RAI14: variants seen among roughly 807,000 people sequenced by gnomAD.
The protein encoded by RAI14 is retinoic acid induced 14, also known as ankycorbin.
A neutral mutation model predicts 115.4 loss-of-function variants in RAI14; 45 were observed. The ratio of observed to expected loss-of-function variants is 0.39; its 90% CI spans 0.31 to 0.50. The LOEUF is 0.50. Among genes scored for constraint, RAI14 ranks in the 20% least tolerant of loss-of-function variants. The pLI, the probability that RAI14 is intolerant of heterozygous loss-of-function variation, is 0.85. For synonymous variants in RAI14, 371 were observed against 415.4 expected, an observed-to-expected ratio of 0.89 and a Z score of 1.30; for missense variants, 939 against 1,131.2, an observed-to-expected ratio of 0.83 and a Z score of 2.44.
chr5:34,688,290 T>G (rs1196686024), intron 2 of RAI14: 1 of 1,497,068 alleles, frequency 6.7e-7, no homozygotes, highest in Non-Finnish European at 9.1e-7. Flanking sequence ...CAGATAGGGG[T>G]TTCTAAATTT....
At chr5:34,770,550 C>T (rs770046345) in intron 3 of RAI14, among the ~76,000 whole-genome samples, 7 of 152,118 alleles carry the variant, frequency 4.6e-5, no homozygotes, top group Non-Finnish European at 8.8e-5. Flanking sequence ...TTGGACTGTG[C>T]GAATAAACCT....
intron 4 of RAI14, among the ~76,000 whole-genome samples, chr5:34,799,684 C>CTTTTTTTTTTTTTTT (rs1754015236): frequency 1.0e-5 from 1 of 97,860 alleles, no homozygotes; most frequent in African/African-American, 3.6e-5. Context: ...AATCTGTTAG[C>CTTTTTTTTTTTTTTT]ATTTTTTTTT....
rs1455729758 is a variant in RAI14, at chr5:34,794,889, C to T, written c.168-1050C>T. On this transcript the variant is annotated intron_variant, in intron 3 of 17. Transcript: ENST00000265109. Reference sequence around the variant, plus strand: ...GATTTCAATGATAGATCCTTCCCAGCGAGAAAATATTATCTGGGCATTAAT... The same window carrying T: ...GATTTCAATGATAGATCCTTCCCAGTGAGAAAATATTATCTGGGCATTAAT... 5.9e-5 allele frequency among the ~76,000 whole-genome samples: 9 copies of T among 152,094 alleles called. No individual in the cohort carries two copies. In the South Asian group the frequency reaches 6.2e-4, roughly 11 times the overall value.
chr5:34,767,125 A>G (rs781454638), intron 3 of RAI14, among the ~76,000 whole-genome samples: 16 of 152,188 alleles, frequency 1.1e-4, no homozygotes, highest in Non-Finnish European at 2.2e-4. Flanking sequence ...AGCAGCATAA[A>G]AACAGACTAA....
At chr5:34,760,055 T>C (rs886189889) in intron 3 of RAI14, among the ~76,000 whole-genome samples, 1 of 152,098 alleles carries the variant, frequency 6.6e-6, no homozygotes, top group African/African-American at 2.4e-5. Flanking sequence ...CAGGCCGGAG[T>C]GCAGTAGCGT....
chr5:34,663,002 C>T (rs1306778776), intron 1 of RAI14, among the ~76,000 whole-genome samples: 1 of 152,070 alleles, frequency 6.6e-6, no homozygotes, highest in African/African-American at 2.4e-5. Context: ...TCCCAAAGTG[C>T]TGGGATTACA....
Position 34,823,325 on chromosome 5 carries a change from G to A in RAI14, c.1483G>A (p.Ala495Thr). 1 of 1,613,986 alleles carries A rather than the reference G, an allele frequency of 6.2e-7. No individual in the cohort carries two copies. Residue 495 changes from alanine to threonine, a missense_variant, in exon 15 of 18, where the codon GCT becomes ACT. Transcript: ENST00000265109. This position sits in a 1 kb window ranked among gnomAD's most constrained non-coding sequence, Gnocchi z 4.5. ...LKETQSKYEE[A>T]MKEVLSVQKQ... ...AGAAACTCAGAGCAAATACGAGGAGGCTATGAAAGAAGTCCTTAGTGTGCA... is the reference window on the plus strand; with the variant it reads ...AGAAACTCAGAGCAAATACGAGGAGACTATGAAAGAAGTCCTTAGTGTGCA...
In RAI14 at chr5:34,814,623, C is replaced by T; in HGVS notation, c.893C>T (p.Pro298Leu). The part of the protein sequence containing the change: ...VSSPRSITST[P>L]LSGKESVFFA... ...TCCCCAAGATCAATAACTTCGACTC[C>T]ACTATCGGGAAAGGAATCGGTATTT... The change falls in exon 12 of 18, where the codon CCA becomes CTA. Residue 298 changes from proline (P) to leucine (L), a missense_variant. By Grantham distance (98) the Pro-to-Leu change is moderately conservative. Coordinates refer to ENST00000265109, the MANE Select transcript of RAI14 (RefSeq NM_015577.3). 6.2e-7 allele frequency: 1 copy of T among 1,613,628 alleles called. No homozygotes were observed. The highest frequency in any genetic ancestry group is 1.1e-5 in the South Asian group (1 of 91,072).
intron 16 of RAI14, among the ~76,000 whole-genome samples, chr5:34,826,834 G>A (rs1197373524): frequency 6.6e-6 from 1 of 152,102 alleles, no homozygotes; most frequent in African/African-American, 2.4e-5. Context: ...CTTGTTAGGG[G>A]CCAGGATCTC....
chr5:34,821,742 C>T lies in RAI14; in HGVS notation c.1005C>T (p.Ser335=). The change falls in exon 14 of 18, where the codon AGC becomes AGT. Residue 335 remains serine (S), a synonymous_variant. Transcript: ENST00000265109. Reference sequence around the variant, plus strand: ...TTTCTCTTTCCCAAGGTGCTGATAGCTTATTGGATATAAGTTCTGAAGCTG... The same window carrying T: ...TTTCTCTTTCCCAAGGTGCTGATAGTTTATTGGATATAAGTTCTGAAGCTG... ...RLSDSTTGAD[S]LLDISSEADQ... 1 of 1,599,036 alleles carries T rather than the reference C, an allele frequency of 6.3e-7. No homozygotes were observed. Among genetic ancestry groups the T allele is most frequent in the Non-Finnish European group, 8.6e-7 (1 of 1,166,974 alleles).
intron 2 of RAI14, chr5:34,688,457 G>A: frequency 6.7e-6 from 3 of 445,802 alleles, no homozygotes; most frequent in Admixed American, 4.0e-5. Flanking sequence ...ATAAACTTTT[G>A]GTTTAAAAAT....
At chr5:34,743,456 A>G (rs1254473121) in intron 2 of RAI14, among the ~76,000 whole-genome samples, 1 of 152,208 alleles carries the variant, frequency 6.6e-6, no homozygotes, top group African/African-American at 2.4e-5. Flanking sequence ...TCCCGAGTCT[A>G]GAATAATTTA....
At position 34,823,935 on chromosome 5, in the gene RAI14, C is replaced by T. The variant is rs764874205; in HGVS notation, c.2093C>T (p.Ala698Val). 3.0e-5 allele frequency: 49 copies of T among 1,614,190 alleles called. No individual in the cohort carries two copies. Among genetic ancestry groups the T allele is most frequent in the Non-Finnish European group, 4.2e-5 (49 of 1,180,036 alleles). The stretch of plus-strand genomic sequence containing the variant: ...GTGTCCAGGGCTAAAGCAGAAGATG[C>T]ACTGTCTGAAATGAAGTCTCAGTAT... ...TNVSRAKAED[A>V]LSEMKSQYSK... Residue 698 changes from alanine to valine, a missense_variant, in exon 15 of 18, where the codon GCA becomes GTA. By Grantham distance (64) the Ala-to-Val change is moderately conservative (BLOSUM62 0). Coordinates refer to ENST00000265109, the MANE Select transcript of RAI14 (RefSeq NM_015577.3). This position sits in a 1 kb window ranked among gnomAD's most constrained non-coding sequence, Gnocchi z 4.5.
intron 3 of RAI14, among the ~76,000 whole-genome samples, chr5:34,759,765 G>C (rs187248167): frequency 6.6e-6 from 1 of 152,086 alleles, no homozygotes; most frequent in Non-Finnish European, 1.5e-5. Flanking sequence ...ACCATCCCCC[G>C]TACCTGGTCT....
intron 3 of RAI14, among the ~76,000 whole-genome samples, chr5:34,766,387 G>A (rs1749373126): frequency 6.6e-6 from 1 of 152,166 alleles, no homozygotes; most frequent in South Asian, 2.1e-4. Context: ...ACAAGACCAT[G>A]GGAGCCCACC....
intron 3 of RAI14, among the ~76,000 whole-genome samples, chr5:34,762,496 A>G (rs1459329037): frequency 6.6e-6 from 1 of 152,210 alleles, no homozygotes; most frequent in Non-Finnish European, 1.5e-5. Flanking sequence ...AATGCATGCC[A>G]GGAAATTTTC....
chr5:34,752,745 GTGTGTATATATA>G (rs1747259320), intron 2 of RAI14, among the ~76,000 whole-genome samples: 1 of 105,270 alleles, frequency 9.5e-6, no homozygotes, highest in African/African-American at 3.8e-5. Context: ...GTGTGTGTGT[GTGTGTATATATA>G]TATATATATG....
At chr5:34,710,806 G>T (rs1170201566) in intron 2 of RAI14, among the ~76,000 whole-genome samples, 1 of 152,162 alleles carries the variant, frequency 6.6e-6, no homozygotes, top group African/African-American at 2.4e-5. Flanking sequence ...CTTCTGCTCA[G>T]CATGCCAAGA....
At chr5:34,808,528 C>T (rs1240119750) in intron 6 of RAI14, 56 bp from the exon 7 acceptor site, 2 of 1,487,332 alleles carry the variant, frequency 1.3e-6, no homozygotes, top group East Asian at 2.3e-5. Context: ...ATCTGATACC[C>T]CTGGTTGTGA....
Sources: gnomAD v4.1 joint callset for allele counts (sites outside exome capture counted in the v4.1 genomes callset) on GRCh38, gnomAD v4.1.1 for gene constraint, Gnocchi (gnomAD v3.1) non-coding constraint, MANE v1.5 for transcripts, NCBI Gene and HGNC (gene_info 2026-07-23, HGNC 2026-07-21) for gene names.